LRP1B: variants seen among roughly 807,000 people sequenced by gnomAD.
LRP1B encodes the protein LDL receptor related protein 1B, also known as low-density lipoprotein receptor-related protein 1B.
In LRP1B, 217 loss-of-function variants were observed where a neutral mutation model predicts 556.6. That is an observed-to-expected ratio of 0.39 (90% CI 0.35 to 0.44). The LOEUF (loss-of-function observed/expected upper bound fraction) is 0.44. Among genes scored for constraint, LRP1B ranks in the 20% least tolerant of loss-of-function variants. The pLI is 1.00. For missense variants in LRP1B, 5,053 were observed against 5,620.8 expected (o/e 0.90, Z 3.23); for synonymous variants, 2,047 against 1,865.8 (o/e 1.10, Z -2.50).
rs554511562 is a variant in LRP1B at position 140,994,789 on chromosome 2, C to T, written c.2504-654G>A. ...TTTAAATTCAAAAATATGTGATACT[C>T]ATAAAGTTTACTATAATCAAACATA... On this transcript the variant is annotated intron_variant, in intron 15 of 90. Transcript: ENST00000389484. Among the ~76,000 whole-genome samples, 10 of 152,060 alleles carry T rather than the reference C, an allele frequency of 6.6e-5. 1 individual carries two copies. In the South Asian group the frequency reaches 1.9e-3, roughly 28 times the overall value.
intron 1 of LRP1B, among the ~76,000 whole-genome samples, chr2:141,949,238 T>C (rs1357744823): frequency 6.6e-6 from 1 of 152,166 alleles, no homozygotes; most frequent in Non-Finnish European, 1.5e-5. Context: ...CTCTTCTAGC[T>C]CTTCCAGTCA....
chr2:140,875,298 T>C (rs1693270949), intron 25 of LRP1B, among the ~76,000 whole-genome samples: 1 of 152,164 alleles, frequency 6.6e-6, no homozygotes. Flanking sequence ...GCAAGACCAG[T>C]ATATGGGCCC....
intron 27 of LRP1B, among the ~76,000 whole-genome samples, chr2:140,852,066 G>A (rs550149778): frequency 5.3e-5 from 8 of 152,260 alleles, no homozygotes; most frequent in African/African-American, 1.4e-4. Flanking sequence ...GGTTGCTCAC[G>A]CCTGTCATCC....
At chr2:141,786,872 T>G (rs554992936) in intron 2 of LRP1B, among the ~76,000 whole-genome samples, 20 of 152,136 alleles carry the variant, frequency 1.3e-4, no homozygotes, top group African/African-American at 4.8e-4. Flanking sequence ...TTTTGCCAAA[T>G]GCCTTCGCTG....
intron 6 of LRP1B, among the ~76,000 whole-genome samples, chr2:141,215,098 CT>C (rs1682735442): frequency 1.3e-5 from 2 of 152,100 alleles, no homozygotes; most frequent in Non-Finnish European, 1.5e-5. Flanking sequence ...GGGTAGATCC[CT>C]TATGGCTTGG....
chr2:141,563,475 G>A (rs6715233), intron 2 of LRP1B, among the ~76,000 whole-genome samples: 2,824 of 151,940 alleles, frequency 0.019, 82 homozygotes, highest in African/African-American at 0.065. Context: ...CATTAATTAG[G>A]GAAGCTAGAA....
chr2:141,455,230 A>T (rs557926348), intron 3 of LRP1B, among the ~76,000 whole-genome samples: 1 of 151,778 alleles, frequency 6.6e-6, no homozygotes, highest in South Asian at 2.1e-4. Context: ...TACCTATCTG[A>T]ATAACCATCT....
intron 3 of LRP1B, among the ~76,000 whole-genome samples, chr2:141,406,124 T>C (rs1002491921): frequency 3.3e-5 from 5 of 152,104 alleles, no homozygotes; most frequent in African/African-American, 1.2e-4. Flanking sequence ...AAGGGAGATA[T>C]TATTTTTTCC....
In LRP1B at chr2:140,282,708, G is replaced by A. The variant is rs181274845; in HGVS notation, c.12968-8110C>T. On this transcript the variant is annotated intron_variant, in intron 84 of 90. Coordinates refer to ENST00000389484, the MANE Select transcript of LRP1B (RefSeq NM_018557.3). ...ATAATCTCAAAGCTCAGGGACACAA[G>A]CTGGCATTCTCACACCTGAGCTGAA... 1.9e-3 allele frequency among the ~76,000 whole-genome samples: 292 copies of A among 151,912 alleles called. 2 individuals are homozygous for A. The highest frequency in any genetic ancestry group is 5.4e-3 in the South Asian group (26 of 4,822).
intron 2 of LRP1B, among the ~76,000 whole-genome samples, chr2:141,513,968 A>T (rs1310940233): frequency 6.6e-6 from 1 of 152,194 alleles, no homozygotes; most frequent in African/African-American, 2.4e-5. Context: ...TCCATTTTAA[A>T]GTTAAGTTCA....
intron 1 of LRP1B, among the ~76,000 whole-genome samples, chr2:141,985,503 A>AT (rs1308481619): frequency 6.9e-6 from 1 of 144,936 alleles, no homozygotes; most frequent in African/African-American, 2.5e-5. Context: ...ACAGACGAGA[A>AT]TTTTTATTTT....
chr2:141,243,286 C>A (rs1573702635), intron 5 of LRP1B, among the ~76,000 whole-genome samples: 1 of 151,960 alleles, frequency 6.6e-6, no homozygotes, highest in East Asian at 1.9e-4. Flanking sequence ...AGTTCAAGAC[C>A]AGCCTGGGCA....
At chr2:140,289,561 A>G (rs1683291094) in intron 84 of LRP1B, among the ~76,000 whole-genome samples, 1 of 151,840 alleles carries the variant, frequency 6.6e-6, no homozygotes, top group Non-Finnish European at 1.5e-5. Flanking sequence ...CCTTTTATGT[A>G]TAAGCACGTA....
intron 11 of LRP1B, among the ~76,000 whole-genome samples, chr2:141,023,943 T>C (rs1033134730): frequency 6.6e-6 from 1 of 152,034 alleles, no homozygotes; most frequent in Non-Finnish European, 1.5e-5. Context: ...TATGGTAAAG[T>C]GCTTTAAATA....
chr2:140,838,395 T>A (rs1691987788), intron 31 of LRP1B, among the ~76,000 whole-genome samples: 1 of 152,168 alleles, frequency 6.6e-6, no homozygotes, highest in Admixed American at 6.5e-5. Context: ...TAATTTCTAA[T>A]ACAACCCTGA....
At chr2:140,272,779 T>A (rs2104948587) in intron 85 of LRP1B, among the ~76,000 whole-genome samples, 1 of 152,148 alleles carries the variant, frequency 6.6e-6, no homozygotes, top group Non-Finnish European at 1.5e-5. Context: ...TATGTTTGTA[T>A]TGTCATGTTC....
chr2:141,269,242 C>T (rs895552432), intron 3 of LRP1B, among the ~76,000 whole-genome samples: 8 of 151,978 alleles, frequency 5.3e-5, no homozygotes, highest in Non-Finnish European at 8.8e-5. Context: ...ACAGAAATAG[C>T]AAGGTAAAAT....
intron 3 of LRP1B, among the ~76,000 whole-genome samples, chr2:141,345,973 T>A (rs991089967): frequency 6.6e-6 from 1 of 152,088 alleles, no homozygotes; most frequent in Non-Finnish European, 1.5e-5. Context: ...AATATTTTAG[T>A]TATATGATAG....
At chr2:141,267,059 A>G (rs1449805410) in intron 3 of LRP1B, among the ~76,000 whole-genome samples, 2 of 152,236 alleles carry the variant, frequency 1.3e-5, no homozygotes, top group African/African-American at 4.8e-5. Context: ...TGTGAGATTT[A>G]AACACAGTAA....
Sources: gnomAD v4.1 joint callset for allele counts (sites outside exome capture counted in the v4.1 genomes callset) on GRCh38, gnomAD v4.1.1 for gene constraint, MANE v1.5 for transcripts, NCBI Gene and HGNC (gene_info 2026-07-23, HGNC 2026-07-21) for gene names.